EPHA6: variants seen among roughly 807,000 people sequenced by gnomAD.
The protein encoded by EPHA6 is EPH receptor A6.
In EPHA6, 50 loss-of-function variants were observed where a neutral mutation model predicts 112.0. That is an observed-to-expected ratio of 0.45 (90% CI 0.36 to 0.56). EPHA6 has a LOEUF of 0.56. Ranked by LOEUF, EPHA6 falls within the 20% of genes least tolerant of loss-of-function variation. The pLI, the probability that EPHA6 is intolerant of heterozygous loss-of-function variation, is 0.00. For missense variants in EPHA6, 1,280 were observed against 1,417.4 expected, an observed-to-expected ratio of 0.90 and a Z score of 1.56; for synonymous variants, 529 against 490.7, an observed-to-expected ratio of 1.08 and a Z score of -1.03.
chr3:97,069,195 A>G (rs1438540206), intron 3 of EPHA6, among the ~76,000 whole-genome samples: 1 of 152,174 alleles, frequency 6.6e-6, no homozygotes, highest in East Asian at 1.9e-4. Context: ...TTGTAGGATA[A>G]ATTTATTATA....
At chr3:97,723,057 G>A (rs969310595) in intron 15 of EPHA6, among the ~76,000 whole-genome samples, 3 of 152,128 alleles carry the variant, frequency 2.0e-5, no homozygotes, top group African/African-American at 7.2e-5. Flanking sequence ...TATAATCTCT[G>A]AAGAAATATT....
chr3:96,933,131 A>G lies in EPHA6; in HGVS notation c.451-54199A>G, dbSNP rs1243022763. Among the ~76,000 whole-genome samples the G allele has an allele frequency of 3.3e-5, 5 of 152,112 alleles. No homozygotes were observed. In the East Asian group the frequency reaches 7.7e-4, roughly 24 times the overall value. On this transcript the variant is annotated intron_variant, in intron 2 of 17. Transcript: ENST00000389672. ...CCCCCTTAAGCAGGAGGATTCCTCA[A>G]TCAGGGCTCCATTCCTGGTTTGTTT... is the stretch of plus-strand genomic sequence containing the variant.
At chr3:97,734,897 T>C (rs915841989) in intron 15 of EPHA6, among the ~76,000 whole-genome samples, 1 of 151,980 alleles carries the variant, frequency 6.6e-6, no homozygotes, top group Non-Finnish European at 1.5e-5. Flanking sequence ...GCTACATAAA[T>C]TCAGGGTCAG....
intron 10 of EPHA6, among the ~76,000 whole-genome samples, chr3:97,521,542 C>G (rs1441308957): frequency 6.6e-6 from 1 of 152,128 alleles, no homozygotes; most frequent in Non-Finnish European, 1.5e-5. Context: ...GTAAAACCAT[C>G]AGATCTCATG....
intron 13 of EPHA6, among the ~76,000 whole-genome samples, chr3:97,627,307 G>A (rs940782662): frequency 6.6e-6 from 1 of 151,854 alleles, no homozygotes; most frequent in African/African-American, 2.4e-5. Flanking sequence ...TATATGGTAA[G>A]TCAGATGTTA....
intron 14 of EPHA6, among the ~76,000 whole-genome samples, chr3:97,691,562 G>C (rs1700462270): frequency 6.6e-6 from 1 of 151,912 alleles, no homozygotes; most frequent in Non-Finnish European, 1.5e-5. Flanking sequence ...TTAGGGAAAG[G>C]GTTACTGACT....
intron 7 of EPHA6, among the ~76,000 whole-genome samples, chr3:97,456,319 C>A (rs138869404): frequency 6.6e-6 from 1 of 152,044 alleles, no homozygotes; most frequent in Non-Finnish European, 1.5e-5. Flanking sequence ...GTAGGCACTA[C>A]AGTGTTATTA....
intron 5 of EPHA6, among the ~76,000 whole-genome samples, chr3:97,323,666 TA>T (rs1275070475): frequency 2.6e-5 from 4 of 151,920 alleles, no homozygotes; most frequent in South Asian, 2.1e-4. Flanking sequence ...AATCCTCACA[TA>T]AAAAAATTTG....
chr3:97,391,847 C>T (rs1025555068), intron 5 of EPHA6, among the ~76,000 whole-genome samples: 7 of 151,752 alleles, frequency 4.6e-5, no homozygotes, highest in Non-Finnish European at 5.9e-5. Flanking sequence ...TCTAAAATGC[C>T]TAATGTTATT....
At chr3:97,443,428 T>G (rs1274372199) in intron 6 of EPHA6, among the ~76,000 whole-genome samples, 1 of 151,442 alleles carries the variant, frequency 6.6e-6, no homozygotes, top group East Asian at 1.9e-4. Context: ...GACCTATTCC[T>G]GCACTTGCAC....
intron 2 of EPHA6, among the ~76,000 whole-genome samples, chr3:96,919,434 C>T (rs1015531265): frequency 2.6e-5 from 4 of 151,718 alleles, no homozygotes; most frequent in African/African-American, 9.7e-5. Flanking sequence ...CAGTAGATTC[C>T]ATAGAAATTC....
chr3:97,689,457 C>T (rs369371374), intron 14 of EPHA6, among the ~76,000 whole-genome samples: 2 of 152,076 alleles, frequency 1.3e-5, no homozygotes, highest in Admixed American at 6.5e-5. Flanking sequence ...AATTTTTTGG[C>T]GGGGTGGGCT....
Position 97,251,682 on chromosome 3 carries a change from CCAT to C in EPHA6, c.1606+7399_1606+7401del, listed in dbSNP as rs139554926. 2.8e-3 allele frequency among the ~76,000 whole-genome samples: 421 copies of C among 152,302 alleles called. 14 individuals are homozygous for C. In the East Asian group the frequency reaches 0.07, roughly 25 times the overall value. On this transcript the variant is annotated intron_variant, in intron 5 of 17. Coordinates refer to ENST00000389672, the MANE Select transcript of EPHA6 (RefSeq NM_001080448.3). Reference sequence around the variant, plus strand: ...TTTAATCAGGCAGAAATTCCACAGACCATCATTAGATGAGTGTTTTTTCTTCCA... The same window carrying C: ...TTTAATCAGGCAGAAATTCCACAGACCATTAGATGAGTGTTTTTTCTTCCA...
At chr3:97,093,480 G>A (rs548129184) in intron 3 of EPHA6, among the ~76,000 whole-genome samples, 32 of 152,182 alleles carry the variant, frequency 2.1e-4, no homozygotes, top group Middle Eastern at 3.4e-3. Flanking sequence ...AACCTGGGAG[G>A]CAGAGTTTGC....
rs2082954575 is a variant in EPHA6 at position 97,334,455 on chromosome 3, T to A, written c.1607-70695T>A. On this transcript the variant is annotated intron_variant, in intron 5 of 17. Coordinates refer to ENST00000389672, the MANE Select transcript of EPHA6 (RefSeq NM_001080448.3). ...CAACTTTTTAATGAAACTTCTTTTT[T>A]CTTTTCTTTCTTTTTTTTTCTTCTT... Among the ~76,000 whole-genome samples the A allele has an allele frequency of 2.0e-5, 3 of 151,010 alleles. No homozygotes were observed. In the South Asian group the frequency reaches 6.2e-4, roughly 31 times the overall value.
At chr3:97,696,267 A>C (rs1339215047) in intron 14 of EPHA6, among the ~76,000 whole-genome samples, 4 of 152,222 alleles carry the variant, frequency 2.6e-5, no homozygotes. Context: ...GGGAGAACAG[A>C]GAGCAGGATA....
chr3:97,273,007 C>A (rs537307073), intron 5 of EPHA6, among the ~76,000 whole-genome samples: 1 of 152,136 alleles, frequency 6.6e-6, no homozygotes, highest in East Asian at 1.9e-4. Flanking sequence ...GTGTGGGAAC[C>A]TAGAGTGGGA....
chr3:97,191,776 G>A (rs1370962410), intron 3 of EPHA6, among the ~76,000 whole-genome samples: 1 of 152,118 alleles, frequency 6.6e-6, no homozygotes, highest in Non-Finnish European at 1.5e-5. Context: ...TTTGCACGTA[G>A]TGCTGAGATA....
At chr3:97,265,501 C>T (rs1279210081) in intron 5 of EPHA6, among the ~76,000 whole-genome samples, 1 of 152,208 alleles carries the variant, frequency 6.6e-6, no homozygotes, top group Non-Finnish European at 1.5e-5. Context: ...AGCGCCTGGG[C>T]TCAGCCCCAG....
Sources: gnomAD v4.1 joint callset for allele counts (sites outside exome capture counted in the v4.1 genomes callset) on GRCh38, gnomAD v4.1.1 for gene constraint, MANE v1.5 for transcripts, NCBI Gene and HGNC (gene_info 2026-07-23, HGNC 2026-07-21) for gene names.